GPHN: variants seen among roughly 807,000 people sequenced by gnomAD.
GPHN encodes the protein gephyrin.
Under a neutral mutation model 95.5 loss-of-function variants are expected in GPHN, and 17 were observed. The observed-to-expected ratio is 0.18, with a 90% CI of 0.12 to 0.27. The LOEUF is 0.27. Among genes scored for constraint, GPHN ranks in the 10% least tolerant of loss-of-function variants. The pLI is 1.00. For synonymous variants in GPHN, 320 were observed against 322.5 expected, an observed-to-expected ratio of 0.99 and a Z score of 0.08; for missense variants, 660 against 978.1, an observed-to-expected ratio of 0.67 and a Z score of 4.34.
chr14:66,784,790 A>G (rs2059714766), intron 3 of GPHN, among the ~76,000 whole-genome samples: 1 of 152,218 alleles, frequency 6.6e-6, no homozygotes, highest in South Asian at 2.1e-4. Context: ...GTGATTCACA[A>G]TAAGCAAGCA....
intron 4 of GPHN, among the ~76,000 whole-genome samples, chr14:66,848,774 T>C (rs142204885): frequency 2.2e-4 from 33 of 151,988 alleles, no homozygotes; most frequent in African/African-American, 7.9e-4. Flanking sequence ...ACATGCTTTT[T>C]GCAAGAAAAA....
the GPHN span, chr14:67,222,026 G>T: frequency 5.7e-6 from 3 of 527,532 alleles, no homozygotes; most frequent in Non-Finnish European, 9.6e-6. Flanking sequence ...AAACATTATG[G>T]TACTTTACTA....
At chr14:66,795,760 G>A (rs760644589) in intron 3 of GPHN, among the ~76,000 whole-genome samples, 17 of 152,128 alleles carry the variant, frequency 1.1e-4, no homozygotes, top group Admixed American at 2.6e-4. Flanking sequence ...TTTGCTACAC[G>A]CATGCAATGC....
intron 2 of GPHN, among the ~76,000 whole-genome samples, chr14:66,684,819 T>G (rs1421712669): frequency 2.0e-5 from 3 of 152,168 alleles, no homozygotes; most frequent in Admixed American, 2.0e-4. Context: ...GTTACATATG[T>G]GTACATGTGC....
At chr14:66,629,225 A>G (rs1329968543) in intron 1 of GPHN, among the ~76,000 whole-genome samples, 1 of 144,828 alleles carries the variant, frequency 6.9e-6, no homozygotes, top group Non-Finnish European at 1.5e-5. Flanking sequence ...ACATATATAA[A>G]TATGTATATA....
intron 1 of GPHN, among the ~76,000 whole-genome samples, chr14:66,582,072 G>T (rs2061202992): frequency 6.6e-6 from 1 of 151,940 alleles, no homozygotes; most frequent in Non-Finnish European, 1.5e-5. Context: ...TCCAACAGTA[G>T]CAGAATCCAC....
Position 66,773,993 on chromosome 14 carries a change from GTTTTTTTTTTT to G in GPHN, c.144-2453_144-2443del, listed in dbSNP as rs1172451199. 7.9e-4 allele frequency among the ~76,000 whole-genome samples: 71 copies of G among 89,962 alleles called. 2 individuals carry two copies. The highest frequency in any genetic ancestry group is 2.8e-3 in the African/African-American group (54 of 19,616). The allele number at this position is 89,962 out of a possible 152,430, so 59.0% of individuals were successfully genotyped here. A position where few individuals can be genotyped will look rare whatever the true frequency, so the allele number is the denominator to read the frequency against. On this transcript the variant is annotated intron_variant, in intron 2 of 22. Transcript: ENST00000478722. Reference sequence around the variant, plus strand: ...GGTAATTGAGCATCATATCTAGAAAGTTTTTTTTTTTTTTTTTTTTTTTTTTTTGAGATGGA... The same window carrying G: ...GGTAATTGAGCATCATATCTAGAAAGTTTTTTTTTTTTTTTTTGAGATGGA...
intron 2 of GPHN, among the ~76,000 whole-genome samples, chr14:66,682,533 C>T (rs922113368): frequency 6.6e-6 from 1 of 152,084 alleles, no homozygotes; most frequent in African/African-American, 2.4e-5. Flanking sequence ...GGGTAGATCA[C>T]AAGGTCAGGA....
At chr14:67,573,750 C>A in the GPHN span, 1 of 1,196,958 alleles carries the variant, frequency 8.4e-7, no homozygotes, top group South Asian at 1.2e-5. The surrounding 1 kb of genome is among the most constrained non-coding windows in gnomAD (Gnocchi z 4.8). Context: ...ATGAGGTGCT[C>A]CGGAAAGGCT....
At chr14:67,275,419 C>CG in the GPHN span, among the ~76,000 whole-genome samples, 8 of 152,198 alleles carry the variant, frequency 5.3e-5, no homozygotes, top group South Asian at 1.7e-3. Flanking sequence ...TGCTGGATTA[C>CG]GTTTATTGAT....
intron 10 of GPHN, among the ~76,000 whole-genome samples, chr14:67,056,476 A>T (rs542299750): frequency 2.0e-5 from 3 of 152,196 alleles, no homozygotes; most frequent in East Asian, 3.9e-4. Flanking sequence ...TGATTGGTGG[A>T]TGTACAATCC....
At chr14:67,557,300 C>T in the GPHN span, 1 of 1,613,684 alleles carries the variant, frequency 6.2e-7, no homozygotes, top group South Asian at 1.1e-5. Flanking sequence ...GTAAAACTAT[C>T]CAATCTGAAG....
intron 2 of GPHN, among the ~76,000 whole-genome samples, chr14:66,717,249 G>A (rs563304434): frequency 1.2e-3 from 183 of 151,906 alleles, no homozygotes; most frequent in Admixed American, 2.0e-3. Context: ...CCTTGTCTTC[G>A]AGCCCTGAAT....
chr14:67,159,325 T>G lies in GPHN; in HGVS notation c.1837-90T>G, dbSNP rs984226660. 7.8e-5 allele frequency: 65 copies of G among 832,694 alleles called. No homozygotes were observed. In the African/African-American group the frequency reaches 1.0e-3, roughly 13 times the overall value. The allele number at this position is 832,694 out of a possible 1,614,324, so 51.6% of individuals were successfully genotyped here. On this transcript the variant is annotated intron_variant, in intron 18 of 22. Transcript: ENST00000478722. Reference sequence around the variant, plus strand: ...AATAAGAAAGATGTTTCTTTTCATTTCAATCTTATTAATTTAATGTTCATT... The same window carrying G: ...AATAAGAAAGATGTTTCTTTTCATTGCAATCTTATTAATTTAATGTTCATT...
intron 9 of GPHN, among the ~76,000 whole-genome samples, chr14:67,010,006 G>A (rs550595862): frequency 1.3e-5 from 2 of 151,778 alleles, no homozygotes; most frequent in East Asian, 2.0e-4. Context: ...TGATTTGCCC[G>A]CCTCGGCCTC....
intron 11 of GPHN, among the ~76,000 whole-genome samples, chr14:67,066,629 T>C (rs2076067272): frequency 6.6e-6 from 1 of 152,190 alleles, no homozygotes; most frequent in African/African-American, 2.4e-5. Context: ...GTTCGTTTCT[T>C]TTTACTCTTT....
At chr14:67,646,969 T>G in the GPHN span, 1 of 1,612,936 alleles carries the variant, frequency 6.2e-7, no homozygotes. Flanking sequence ...TGAGAGATAT[T>G]GATCGACTTG....
chr14:67,608,798 T>C, the GPHN span, among the ~76,000 whole-genome samples: 1 of 152,214 alleles, frequency 6.6e-6, no homozygotes, highest in African/African-American at 2.4e-5. Flanking sequence ...CCTCACATGG[T>C]ACAAGGGGCA....
the GPHN span, among the ~76,000 whole-genome samples, chr14:67,434,968 C>CTTTTTT: frequency 2.7e-5 from 4 of 147,362 alleles, no homozygotes; most frequent in African/African-American, 7.8e-5. Context: ...TCTTCTCTCT[C>CTTTTTT]TCTTTTTTTT....
Sources: gnomAD v4.1 joint callset for allele counts (sites outside exome capture counted in the v4.1 genomes callset) on GRCh38, gnomAD v4.1.1 for gene constraint, Gnocchi (gnomAD v3.1) non-coding constraint, MANE v1.5 for transcripts, NCBI Gene and HGNC (gene_info 2026-07-23, HGNC 2026-07-21) for gene names.